Variants in HAUS2 observed in about 807,000 individuals in gnomAD.
The protein encoded by HAUS2 is HAUS augmin like complex subunit 2.
HAUS2 carries 20 observed loss-of-function variants against 21.6 expected under a neutral mutation model. The observed-to-expected ratio is 0.93, with a 90% CI of 0.65 to 1.35. The LOEUF is 1.35. Ranked by LOEUF, HAUS2 falls within the 40% of genes most tolerant of loss-of-function variation. The probability of loss-of-function intolerance (pLI) is 0.00; values close to 1 mark genes in which losing one functional copy is unlikely to be tolerated. For missense variants in HAUS2, 297 were observed against 280.7 expected, an observed-to-expected ratio of 1.06 and a Z score of -0.42; for synonymous variants, 113 against 95.6, an observed-to-expected ratio of 1.18 and a Z score of -1.06.
At position 42,554,896 on chromosome 15, in the gene HAUS2, C is replaced by T. The variant is rs2057756875; in HGVS notation, c.94-3302C>T. On this transcript the variant is annotated intron_variant, in intron 1 of 5. Transcript: ENST00000260372. ...GGCTGGAGTTGCAGTAGCATGATCA[C>T]AGCTCACTACAGCCTCAATCTCCCA... Among the ~76,000 whole-genome samples the T allele has an allele frequency of 3.3e-5, 5 of 151,978 alleles. No individual in the cohort carries two copies. The South Asian group carries it at 1.0e-3, about 31-fold the overall frequency.
At chr15:42,558,118 T>C (rs897470871) in intron 1 of HAUS2, 80 bp from the exon 2 acceptor site, 2 of 673,712 alleles carry the variant, frequency 3.0e-6, no homozygotes, top group African/African-American at 1.9e-5. Context: ...TCTCATATTT[T>C]AGACTATGGG....
intron 5 of HAUS2, among the ~76,000 whole-genome samples, chr15:42,565,069 T>C (rs954885499): frequency 5.3e-5 from 8 of 152,192 alleles, no homozygotes; most frequent in African/African-American, 1.7e-4. Context: ...ACTCCTGACC[T>C]CAGGTGATCC....
At position 42,566,634 on chromosome 15, in the gene HAUS2, T is replaced by C; in HGVS notation, c.526T>C (p.Leu176=). The change falls in exon 6 of 6, where the codon TTG becomes CTG. Residue 176 remains leucine (L), a synonymous_variant. Coordinates refer to ENST00000260372, the MANE Select transcript of HAUS2 (RefSeq NM_018097.3). The stretch of plus-strand genomic sequence containing the variant: ...CCAGGCTTTAGCAAAGATGGATATA[T>C]TGGTGACTGAGACAGAAGAACTGGC... ...MNQALAKMDI[L]VTETEELAEN... The C allele has an allele frequency of 1.2e-6, 2 of 1,605,544 alleles. No homozygotes were observed. Among genetic ancestry groups the C allele is most frequent in the Admixed American group, 1.7e-5 (1 of 60,010 alleles).
chr15:42,559,363 A>G lies in HAUS2; in HGVS notation c.211A>G (p.Lys71Glu), dbSNP rs1009875984. ...YQKNLEIELLKLEKDTADVVH... is the reference protein window; with the variant it reads ...YQKNLEIELLELEKDTADVVH... The stretch of plus-strand genomic sequence containing the variant: ...GAAAAACCTGGAAATTGAACTCCTG[A>G]AACTAGAAAAAGATACAGCAGATGT... The change falls in exon 3 of 6, where the codon AAA becomes GAA. Residue 71 changes from lysine to glutamate, a missense_variant. Coordinates refer to ENST00000260372, the MANE Select transcript of HAUS2 (RefSeq NM_018097.3). 4 of 1,605,756 alleles carry G rather than the reference A, an allele frequency of 2.5e-6. No individual in the cohort carries two copies. The African/African-American group carries it at 5.4e-5, about 21-fold the overall frequency.
intron 1 of HAUS2, among the ~76,000 whole-genome samples, chr15:42,553,972 A>G (rs545173001): frequency 1.6e-4 from 24 of 152,150 alleles, no homozygotes; most frequent in Non-Finnish European, 3.2e-4. Flanking sequence ...CTGTTCCTCA[A>G]TTTTGCCATC....
In HAUS2 at chr15:42,555,365, A is replaced by G. The variant is rs571786767; in HGVS notation, c.94-2833A>G. ...GGCTGGTCTCAAACTCCTGGGCTCAAGCAGTTCTCCTGCTTTAGCCTTCCA... is the reference window on the plus strand; with the variant it reads ...GGCTGGTCTCAAACTCCTGGGCTCAGGCAGTTCTCCTGCTTTAGCCTTCCA... On this transcript the variant is annotated intron_variant, in intron 1 of 5. Transcript: ENST00000260372. 5.1e-4 allele frequency among the ~76,000 whole-genome samples: 77 copies of G among 152,192 alleles called. No individual in the cohort carries two copies. In the South Asian group the frequency reaches 0.012, roughly 24 times the overall value.
chr15:42,550,613 C>CT lies in HAUS2; in HGVS notation c.93+1651dup, dbSNP rs1252054267. On this transcript the variant is annotated intron_variant, in intron 1 of 5. Coordinates refer to ENST00000260372, the MANE Select transcript of HAUS2 (RefSeq NM_018097.3). ...GATTCAGGTGGTCCTAGTTGACTAA[C>CT]TTTACCAGGAGTGACCACAGCACTC... Among the ~76,000 whole-genome samples, 6 of 152,284 alleles carry CT rather than the reference C, an allele frequency of 3.9e-5. No homozygotes were observed. In the East Asian group the frequency reaches 1.2e-3, roughly 29 times the overall value.
chr15:42,566,423 C>T (rs945719953), intron 5 of HAUS2, among the ~76,000 whole-genome samples, 184 bp from the exon 6 acceptor site: 2 of 152,044 alleles, frequency 1.3e-5, no homozygotes, highest in African/African-American at 2.4e-5. Context: ...TTATTGAAGA[C>T]AAAAGAGTTG....
chr15:42,555,044 C>T (rs891294473), intron 1 of HAUS2, among the ~76,000 whole-genome samples: 4 of 151,030 alleles, frequency 2.6e-5, no homozygotes, highest in African/African-American at 9.8e-5. Context: ...GGCTGGAGTG[C>T]AATGGCGTGA....
At chr15:42,556,721 T>C (rs2057780173) in intron 1 of HAUS2, among the ~76,000 whole-genome samples, 1 of 151,844 alleles carries the variant, frequency 6.6e-6, no homozygotes. Context: ...TAAAGTTCTT[T>C]GGCCTGGACG....
intron 1 of HAUS2, among the ~76,000 whole-genome samples, chr15:42,554,986 C>T (rs939711756): frequency 6.6e-6 from 1 of 151,740 alleles, no homozygotes; most frequent in Non-Finnish European, 1.5e-5. Context: ...TGTCACCATG[C>T]CTGGCTAATT....
chr15:42,569,721 C>T lies in HAUS2; in HGVS notation c.*2905C>T, dbSNP rs935592465. The T allele has an allele frequency of 2.0e-5, 3 of 152,108 alleles. No individual in the cohort carries two copies. Among genetic ancestry groups the T allele is most frequent in the Non-Finnish European group, 2.9e-5 (2 of 68,024 alleles). The allele number at this position is 152,108 out of a possible 1,614,324, so 9.4% of individuals were successfully genotyped here. On this transcript the variant is annotated 3_prime_UTR_variant, in exon 6 of 6. Transcript: ENST00000260372. ...AAACAACAGGAATCATGTTTTAAAG[C>T]CTAGTTTGCTAATTTTTGCTAGTAG... is the stretch of plus-strand genomic sequence containing the variant.
At chr15:42,559,493 T>C (rs2057826945) in intron 3 of HAUS2, 85 bp downstream of exon 3, 1 of 767,180 alleles carries the variant, frequency 1.3e-6, no homozygotes, top group Non-Finnish European at 2.3e-6. Flanking sequence ...AGTCAAATTA[T>C]GATACACCAT....
intron 5 of HAUS2, among the ~76,000 whole-genome samples, chr15:42,565,929 G>A (rs901548425): frequency 1.4e-4 from 21 of 152,154 alleles, no homozygotes; most frequent in Admixed American, 3.9e-4. Flanking sequence ...TGGGCTGGGC[G>A]CAATGGCTCA....
chr15:42,561,161 A>T (rs1156268106), intron 3 of HAUS2, 109 bp from the exon 4 acceptor site: 5 of 650,534 alleles, frequency 7.7e-6, no homozygotes, highest in Non-Finnish European at 1.4e-5. Context: ...CAGGAGGGTA[A>T]TGATAGGATG....
chr15:42,559,063 A>C lies in HAUS2; in HGVS notation c.187-276A>C, dbSNP rs376540796. On this transcript the variant is annotated intron_variant, in intron 2 of 5. Transcript: ENST00000260372. ...ATGTTTACTTACTAATAGTAGTTAC[A>C]GTAATAGTAGTAAGAGTAGCAGCAG... 1.2e-4 allele frequency among the ~76,000 whole-genome samples: 18 copies of C among 152,270 alleles called. No individual in the cohort carries two copies. The South Asian group carries it at 3.5e-3, about 30-fold the overall frequency.
Position 42,569,945 on chromosome 15 carries a change from A to G in HAUS2, c.*3129A>G, listed in dbSNP as rs2057945187. 1 of 151,930 alleles carries G rather than the reference A, an allele frequency of 6.6e-6. No individual in the cohort carries two copies. The highest frequency in any genetic ancestry group is 1.5e-5 in the Non-Finnish European group (1 of 67,964). 9.4% of individuals were successfully genotyped at this position (151,930 alleles called of 1,614,324 possible). On this transcript the variant is annotated 3_prime_UTR_variant, in exon 6 of 6. Transcript: ENST00000260372. The stretch of plus-strand genomic sequence containing the variant: ...GCCTGGTTGTTTATTTTTGTTTTCT[A>G]TTATGCCTTTTTCAAAATATAAAAA...
In HAUS2 at chr15:42,556,588, TC is replaced by T. The variant is rs1334744752; in HGVS notation, c.94-1609del. 2.0e-5 allele frequency among the ~76,000 whole-genome samples: 3 copies of T among 152,148 alleles called. No homozygotes were observed. The East Asian group carries it at 5.8e-4, about 29-fold the overall frequency. ...TGTTATAAAATATTGTCTTTGATTTTCTTTTTCCCAACAATTTGAAAATATA... is the reference window on the plus strand; with the variant it reads ...TGTTATAAAATATTGTCTTTGATTTTTTTTTCCCAACAATTTGAAAATATA... On this transcript the variant is annotated intron_variant, in intron 1 of 5. Transcript: ENST00000260372.
intron 5 of HAUS2, among the ~76,000 whole-genome samples, chr15:42,566,207 A>G (rs1169340158): frequency 6.6e-6 from 1 of 152,080 alleles, no homozygotes; most frequent in Non-Finnish European, 1.5e-5. Context: ...TCTCAAAAAA[A>G]AAAAAAAGAG....
Sources: allele counts gnomAD v4.1 joint callset (sites outside exome capture counted in the v4.1 genomes callset), GRCh38; gene constraint gnomAD v4.1.1; transcripts MANE v1.5; gene names NCBI Gene and HGNC (gene_info 2026-07-23, HGNC 2026-07-21).